Variants in PDE10A observed in about 807,000 individuals in gnomAD.
The protein encoded by PDE10A is cAMP and cAMP-inhibited cGMP 3',5'-cyclic phosphodiesterase 10A.
Under a neutral mutation model 97.7 loss-of-function variants are expected in PDE10A, and 39 were observed. The observed-to-expected ratio is 0.40, with a 90% CI of 0.31 to 0.52. PDE10A has a LOEUF of 0.52. Ranked by LOEUF, PDE10A falls within the 20% of genes least tolerant of loss-of-function variation. The pLI, the probability that PDE10A is intolerant of heterozygous loss-of-function variation, is 0.56. For missense variants in PDE10A, 731 were observed against 1,047.8 expected (o/e 0.70, Z 4.17); for synonymous variants, 371 against 376.8 (o/e 0.98, Z 0.18).
At chr6:165,975,499 A>C in intron 1 of PDE10A, among the ~76,000 whole-genome samples, 1 of 152,240 alleles carries the variant, frequency 6.6e-6, no homozygotes, top group African/African-American at 2.4e-5. Context: ...TTCAACAAAA[A>C]GTTTAAGAGC....
intron 1 of PDE10A, among the ~76,000 whole-genome samples, chr6:165,970,135 A>G (rs1469885649): frequency 1.3e-5 from 2 of 152,224 alleles, no homozygotes; most frequent in African/African-American, 4.8e-5. Context: ...TCAAACCAAG[A>G]GACAATCTTT....
At chr6:165,606,198 A>C (rs2128398549) in intron 1 of PDE10A, among the ~76,000 whole-genome samples, 1 of 151,702 alleles carries the variant, frequency 6.6e-6, no homozygotes, top group South Asian at 2.1e-4. Flanking sequence ...CACACAGTCT[A>C]GGGCACAGTA....
chr6:165,771,518 A>T (rs542044790), intron 1 of PDE10A, among the ~76,000 whole-genome samples: 2 of 152,304 alleles, frequency 1.3e-5, no homozygotes, highest in African/African-American at 4.8e-5. Context: ...GACACAGAAA[A>T]TCAAACTTCT....
intron 1 of PDE10A, among the ~76,000 whole-genome samples, chr6:165,913,273 TACAC>T (rs58740333): frequency 0.068 from 9,995 of 147,942 alleles, 464 homozygotes; most frequent in Middle Eastern, 0.1. Flanking sequence ...ACTCAACTTG[TACAC>T]ACACACACAC....
At chr6:165,960,487 A>G (rs1201576178) in intron 1 of PDE10A, among the ~76,000 whole-genome samples, 1 of 152,224 alleles carries the variant, frequency 6.6e-6, no homozygotes, top group Non-Finnish European at 1.5e-5. Context: ...AGGTCCACTG[A>G]ATTCCAAATA....
chr6:165,662,056 G>C lies in PDE10A; in HGVS notation c.756C>G (p.Ser252Arg). 3 of 1,451,190 alleles carry C rather than the reference G, an allele frequency of 2.1e-6. No homozygotes were observed. Among genetic ancestry groups the C allele is most frequent in the Non-Finnish European group, 2.7e-6 (3 of 1,092,816 alleles). 89.9% of individuals were successfully genotyped at this position (1,451,190 alleles called of 1,614,324 possible). Residue 252 changes from serine to arginine, a missense_variant, in exon 1 of 22, where the codon AGC becomes AGG. Ser to Arg is a moderately radical substitution (Grantham distance 110). Transcript: ENST00000539869. ...GQTPRRPQGA[S>R]FALAAAAALL... ...GCGCGGCCGCGGCGGCGAGGGCGAAGCTGGCGCCCTGGGGACGCCGCGGAG... is the reference window on the plus strand; with the variant it reads ...GCGCGGCCGCGGCGGCGAGGGCGAACCTGGCGCCCTGGGGACGCCGCGGAG...
intron 1 of PDE10A, among the ~76,000 whole-genome samples, chr6:165,966,651 G>A (rs1454046886): frequency 6.6e-6 from 1 of 152,164 alleles, no homozygotes. Flanking sequence ...TGAATCCTTG[G>A]TACAATTTTT....
intron 1 of PDE10A, among the ~76,000 whole-genome samples, chr6:165,959,144 T>A (rs697461): frequency 0.86 from 131,246 of 152,242 alleles, 56,719 homozygotes; most frequent in South Asian, 0.96. Context: ...CTTGGCAAAC[T>A]TCGTACATAT....
At chr6:165,429,726 T>C (rs1446765520) in intron 9 of PDE10A, among the ~76,000 whole-genome samples, 1 of 152,028 alleles carries the variant, frequency 6.6e-6, no homozygotes, top group African/African-American at 2.4e-5. Context: ...CAGACTCCTG[T>C]AGTAAATAAA....
chr6:165,340,332 A>G (rs1781901782), intron 19 of PDE10A, among the ~76,000 whole-genome samples: 1 of 152,206 alleles, frequency 6.6e-6, no homozygotes. Context: ...TTTAGAAATC[A>G]GAAGTACAGC....
chr6:165,972,314 C>T (rs960652409), intron 1 of PDE10A, among the ~76,000 whole-genome samples: 1 of 151,856 alleles, frequency 6.6e-6, no homozygotes, highest in African/African-American at 2.4e-5. Context: ...CGCAGGTGGA[C>T]GGGGATTCTG....
chr6:165,409,623 T>C (rs1028873815), intron 13 of PDE10A: 1 of 160,284 alleles, frequency 6.2e-6, no homozygotes, highest in Non-Finnish European at 1.3e-5. Flanking sequence ...CTAAGCAGGG[T>C]CGGGCCTGGT....
intron 1 of PDE10A, among the ~76,000 whole-genome samples, chr6:165,599,599 T>TA (rs1347586832): frequency 2.0e-5 from 3 of 152,236 alleles, no homozygotes. Flanking sequence ...TAAAACTTCT[T>TA]AGACAGCCTC....
chr6:165,430,107 T>C (rs1789446617), intron 9 of PDE10A, among the ~76,000 whole-genome samples, 180 bp downstream of exon 9: 1 of 152,010 alleles, frequency 6.6e-6, no homozygotes, highest in African/African-American at 2.4e-5. Flanking sequence ...CACTTTAGAG[T>C]GAACGTGAAT....
chr6:165,618,974 G>C (rs771525786), intron 1 of PDE10A, among the ~76,000 whole-genome samples: 14 of 118,518 alleles, frequency 1.2e-4, no homozygotes, highest in South Asian at 7.1e-4. Context: ...CTAGTGTAGT[G>C]TAGTCTAGTG....
chr6:165,483,861 C>G (rs1727502633), intron 2 of PDE10A, among the ~76,000 whole-genome samples: 1 of 152,202 alleles, frequency 6.6e-6, no homozygotes. Context: ...GGCTTTTTCT[C>G]TTAGTCTTGC....
intron 1 of PDE10A, among the ~76,000 whole-genome samples, chr6:165,690,313 A>G (rs149303897): frequency 2.5e-4 from 38 of 152,288 alleles, no homozygotes; most frequent in Non-Finnish European, 2.9e-5. Context: ...TTTTCTTTCA[A>G]TGAAAAAGAA....
At chr6:165,506,379 T>A (rs1032455373) in intron 2 of PDE10A, among the ~76,000 whole-genome samples, 3 of 152,176 alleles carry the variant, frequency 2.0e-5, no homozygotes, top group African/African-American at 7.2e-5. Flanking sequence ...CATGTATATA[T>A]TCAATATTCT....
chr6:165,538,490 G>A (rs552739311), intron 2 of PDE10A, among the ~76,000 whole-genome samples: 1 of 152,210 alleles, frequency 6.6e-6, no homozygotes, highest in African/African-American at 2.4e-5. Flanking sequence ...TCGCCTTTAA[G>A]AAATTAATGT....
Sources: allele counts gnomAD v4.1 joint callset (sites outside exome capture counted in the v4.1 genomes callset), GRCh38; gene constraint gnomAD v4.1.1; transcripts MANE v1.5; gene names NCBI Gene and HGNC (gene_info 2026-07-23, HGNC 2026-07-21).